KCND2: variants seen among roughly 807,000 people sequenced by gnomAD.
The protein encoded by KCND2 is potassium voltage-gated channel subfamily D member 2, also known as A-type voltage-gated potassium channel KCND2.
KCND2 carries 16 observed loss-of-function variants against 54.4 expected under a neutral mutation model. The observed-to-expected ratio is 0.29, with a 90% CI of 0.20 to 0.45. The LOEUF (loss-of-function observed/expected upper bound fraction) is 0.45. KCND2 is among the 20% of genes least tolerant of loss of function. KCND2 has a pLI of 1.00. For synonymous variants in KCND2, 317 were observed against 310.7 expected, an observed-to-expected ratio of 1.02 and a Z score of -0.21; for missense variants, 486 against 824.2, an observed-to-expected ratio of 0.59 and a Z score of 5.02.
chr7:120,341,638 A>C (rs1362808857), intron 1 of KCND2, among the ~76,000 whole-genome samples: 1 of 152,164 alleles, frequency 6.6e-6, no homozygotes. Flanking sequence ...ATGTCTATAA[A>C]TGACCTGGAC....
intron 1 of KCND2, among the ~76,000 whole-genome samples, chr7:120,341,384 A>G (rs1006253085): frequency 2.0e-5 from 3 of 152,194 alleles, no homozygotes; most frequent in African/African-American, 4.8e-5. Flanking sequence ...CTTTAATTGC[A>G]CAGGTGCAGG....
chr7:120,509,231 A>T (rs1200202225), intron 1 of KCND2, among the ~76,000 whole-genome samples: 1 of 152,030 alleles, frequency 6.6e-6, no homozygotes, highest in Non-Finnish European at 1.5e-5. Context: ...GAACAAAAAA[A>T]ATAATATTAG....
intron 1 of KCND2, among the ~76,000 whole-genome samples, chr7:120,294,082 G>A (rs1265415175): frequency 6.6e-6 from 1 of 151,930 alleles, no homozygotes; most frequent in Non-Finnish European, 1.5e-5. Context: ...ACATAAAAAA[G>A]CAATTCTCAA....
chr7:120,479,761 T>G (rs984250361), intron 1 of KCND2, among the ~76,000 whole-genome samples: 1 of 135,840 alleles, frequency 7.4e-6, no homozygotes, highest in South Asian at 2.3e-4. Flanking sequence ...AAACCCCATC[T>G]CTAAATATAT....
At chr7:120,606,258 GTTGTA>G (rs1312126546) in intron 1 of KCND2, among the ~76,000 whole-genome samples, 9 of 152,144 alleles carry the variant, frequency 5.9e-5, no homozygotes, top group South Asian at 2.1e-4. Flanking sequence ...CTTTTATATT[GTTGTA>G]TTGTAAGTGT....
In KCND2 at chr7:120,742,542, ATCC is replaced by A. The variant is rs1187499992; in HGVS notation, c.1408_1410del (p.Ser470del). On this transcript the variant is annotated inframe_deletion, in exon 4 of 6. Coordinates refer to ENST00000331113, the MANE Select transcript of KCND2 (RefSeq NM_012281.3). ...AGGATGAGCAGGCTTTTGTTAGCAA[ATCC>A]GGCTCCAGCTTTGAAACCCAGCACC... 2.5e-6 allele frequency: 4 copies of A among 1,613,646 alleles called. No individual in the cohort carries two copies. The South Asian group carries it at 4.4e-5, about 18-fold the overall frequency.
chr7:120,339,318 G>A (rs776898426), intron 1 of KCND2, among the ~76,000 whole-genome samples: 2 of 151,754 alleles, frequency 1.3e-5, no homozygotes, highest in Non-Finnish European at 1.5e-5. Context: ...GACTAGAAAA[G>A]CAATATGAAA....
intron 1 of KCND2, among the ~76,000 whole-genome samples, chr7:120,564,902 A>T (rs1014926242): frequency 1.3e-5 from 2 of 152,164 alleles, no homozygotes; most frequent in African/African-American, 2.4e-5. Flanking sequence ...TATCCTCTCC[A>T]TGAAATATGT....
In KCND2 at chr7:120,674,337, A is replaced by T. The variant is rs1047274773; in HGVS notation, c.1116-58566A>T. ...AATAACAGCCATGAGACCTTTGTGT[A>T]TATTAGTTCCCTATCACACTAGCAT... On this transcript the variant is annotated intron_variant, in intron 1 of 5. Transcript: ENST00000331113. Among the ~76,000 whole-genome samples the T allele has an allele frequency of 2.0e-5, 3 of 152,162 alleles. 1 individual carries two copies. Among genetic ancestry groups the T allele is most frequent in the Non-Finnish European group, 4.4e-5 (3 of 67,978 alleles).
chr7:120,718,203 T>C (rs1792626490), intron 1 of KCND2, among the ~76,000 whole-genome samples: 1 of 152,146 alleles, frequency 6.6e-6, no homozygotes, highest in African/African-American at 2.4e-5. Flanking sequence ...GAAATACATT[T>C]TACAGTACCA....
chr7:120,383,578 G>GAGCA (rs1800942360), intron 1 of KCND2, among the ~76,000 whole-genome samples: 1 of 152,036 alleles, frequency 6.6e-6, no homozygotes, highest in South Asian at 2.1e-4. Context: ...ATTACAGAAT[G>GAGCA]AGCAAGAGGT....
intron 1 of KCND2, among the ~76,000 whole-genome samples, chr7:120,724,022 T>C (rs1792701306): frequency 6.6e-6 from 1 of 152,100 alleles, no homozygotes; most frequent in South Asian, 2.1e-4. Context: ...AGAAATCTGG[T>C]TCAGGAAAAA....
At chr7:120,629,899 T>C (rs1793211984) in intron 1 of KCND2, among the ~76,000 whole-genome samples, 1 of 152,138 alleles carries the variant, frequency 6.6e-6, no homozygotes, top group Non-Finnish European at 1.5e-5. Flanking sequence ...TTTGAATATA[T>C]AGAGTTTGAG....
At chr7:120,566,654 G>A (rs1223171888) in intron 1 of KCND2, among the ~76,000 whole-genome samples, 1 of 151,990 alleles carries the variant, frequency 6.6e-6, no homozygotes, top group African/African-American at 2.4e-5. Context: ...CACCTCTTTA[G>A]CAAGAATTCC....
At position 120,274,784 on chromosome 7, in the gene KCND2, G is replaced by A. The variant is rs1799147491; in HGVS notation, c.152G>A (p.Arg51His). 6.2e-7 allele frequency: 1 copy of A among 1,614,070 alleles called. No individual in the cohort carries two copies. Among genetic ancestry groups the A allele is most frequent in the Non-Finnish European group, 8.5e-7 (1 of 1,180,008 alleles). Residue 51 changes from arginine (R) to histidine (H), a missense_variant, in exon 1 of 6, where the codon CGC becomes CAC. Physicochemically the swap from Arg to His is conservative, Grantham distance 29. This residue lies in a region of KCND2 where 231 missense variants were observed against 386.0 expected (regional missense o/e 0.60). Coordinates refer to ENST00000331113, the MANE Select transcript of KCND2 (RefSeq NM_012281.3). ...ALIVLNVSGT[R>H]FQTWQDTLER... ...ATTGTGCTGAATGTGAGTGGCACCC[G>A]CTTCCAGACGTGGCAGGACACCCTG...
In KCND2 at chr7:120,730,009, T is replaced by C. The variant is rs555581319; in HGVS notation, c.1116-2894T>C. On this transcript the variant is annotated intron_variant, in intron 1 of 5. Coordinates refer to ENST00000331113, the MANE Select transcript of KCND2 (RefSeq NM_012281.3). ...TGCTGAGCTTGCCTATCCTATGACA[T>C]AGTGATCCTAGAATACAAAAAGTAA... Among the ~76,000 whole-genome samples the C allele has an allele frequency of 8.5e-5, 13 of 152,248 alleles. No homozygotes were observed. The East Asian group carries it at 2.3e-3, about 27-fold the overall frequency.
chr7:120,413,833 A>G lies in KCND2; in HGVS notation c.1115+138086A>G, dbSNP rs972643714. 6.6e-5 allele frequency among the ~76,000 whole-genome samples: 10 copies of G among 151,056 alleles called. No individual in the cohort carries two copies. In the South Asian group the frequency reaches 1.9e-3, roughly 28 times the overall value. Reference sequence around the variant, plus strand: ...GGCTTACTAGGAATTTTTTTTTTCTATGGAAGGCTTAGATGAATCAATGTT... The same window carrying G: ...GGCTTACTAGGAATTTTTTTTTTCTGTGGAAGGCTTAGATGAATCAATGTT... On this transcript the variant is annotated intron_variant, in intron 1 of 5. Coordinates refer to ENST00000331113, the MANE Select transcript of KCND2 (RefSeq NM_012281.3).
chr7:120,595,507 GTGTATATATATGTATATATA>G (rs768871526), intron 1 of KCND2, among the ~76,000 whole-genome samples: 3,274 of 143,922 alleles, frequency 0.023, 53 homozygotes, highest in Non-Finnish European at 0.037. Context: ...ATGTGTGTGT[GTGTATATATATGTATATATA>G]TGTGTATATA....
In KCND2 at chr7:120,549,533, G is replaced by C. The variant is rs571555463; in HGVS notation, c.1116-183370G>C. ...TAGTTTCATCTGTTATTACTTAACT[G>C]ACATGTTGCTGCAAATTATAGCTAG... On this transcript the variant is annotated intron_variant, in intron 1 of 5. Coordinates refer to ENST00000331113, the MANE Select transcript of KCND2 (RefSeq NM_012281.3). Among the ~76,000 whole-genome samples the C allele has an allele frequency of 7.1e-4, 108 of 152,292 alleles. 1 individual carries two copies. The highest frequency in any genetic ancestry group is 1.3e-3 in the Non-Finnish European group (87 of 68,006).
Sources: allele counts gnomAD v4.1 joint callset (sites outside exome capture counted in the v4.1 genomes callset), GRCh38; gene constraint gnomAD v4.1.1; regional missense constraint gnomAD v4.1.1; transcripts MANE v1.5; gene names NCBI Gene and HGNC (gene_info 2026-07-23, HGNC 2026-07-21).